Variants in SOX5 observed in about 807,000 individuals in gnomAD.
The protein encoded by SOX5 is transcription factor SOX-5.
SOX5 carries 9 observed loss-of-function variants against 92.0 expected under a neutral mutation model. The ratio of observed to expected loss-of-function variants is 0.10; its 90% CI spans 0.06 to 0.17. The LOEUF is 0.17. SOX5 is among the 10% of genes least tolerant of loss of function. The pLI is 1.00. For synonymous variants in SOX5, 344 were observed against 336.3 expected (o/e 1.02, Z -0.25); for missense variants, 642 against 944.5 (o/e 0.68, Z 4.20).
At chr12:23,904,625 A>G (rs1479664469) in intron 1 of SOX5, among the ~76,000 whole-genome samples, 1 of 152,190 alleles carries the variant, frequency 6.6e-6, no homozygotes, top group African/African-American at 2.4e-5. Context: ...TATACAAAAT[A>G]TTTTATTATA....
intron 4 of SOX5, among the ~76,000 whole-genome samples, chr12:24,205,637 C>T (rs1957948288): frequency 6.6e-6 from 1 of 152,112 alleles, no homozygotes; most frequent in Admixed American, 6.5e-5. Context: ...CTCACTCTGC[C>T]TCCTGTAAGG....
chr12:24,443,486 G>C (rs1435582391), intron 1 of SOX5, among the ~76,000 whole-genome samples: 1 of 152,146 alleles, frequency 6.6e-6, no homozygotes, highest in African/African-American at 2.4e-5. Context: ...ATTTGATTCT[G>C]TCATATCTTG....
chr12:24,238,626 G>A (rs914219496), intron 3 of SOX5, among the ~76,000 whole-genome samples: 2 of 152,154 alleles, frequency 1.3e-5, no homozygotes, highest in African/African-American at 4.8e-5. Flanking sequence ...CAAAGTGCTG[G>A]GATTACAGGA....
chr12:23,587,768 C>T (rs1566070243), intron 9 of SOX5, among the ~76,000 whole-genome samples: 1 of 152,064 alleles, frequency 6.6e-6, no homozygotes, highest in Non-Finnish European at 1.5e-5. Context: ...CAACTTAATA[C>T]ACATGTCAAT....
intron 2 of SOX5, among the ~76,000 whole-genome samples, chr12:24,317,064 C>T (rs895114555): frequency 9.2e-5 from 14 of 152,272 alleles, no homozygotes; most frequent in African/African-American, 3.4e-4. Flanking sequence ...ATCATACAAC[C>T]TCAATGTGTC....
chr12:23,820,524 C>G (rs564150900), intron 3 of SOX5, among the ~76,000 whole-genome samples: 38 of 152,244 alleles, frequency 2.5e-4, no homozygotes, highest in South Asian at 1.2e-3. Flanking sequence ...ATTGTATTGA[C>G]TAGGTTTTCT....
chr12:23,566,681 G>C (rs142449719), intron 10 of SOX5, among the ~76,000 whole-genome samples: 1 of 152,144 alleles, frequency 6.6e-6, no homozygotes, highest in African/African-American at 2.4e-5. Context: ...AGTTGCAATT[G>C]TCTCTTCGGT....
intron 2 of SOX5, among the ~76,000 whole-genome samples, chr12:24,364,556 T>G (rs1030875299): frequency 8.2e-6 from 1 of 122,670 alleles, no homozygotes; most frequent in East Asian, 2.8e-4. Context: ...ACGAATAAAT[T>G]TGTTCTTTAT....
chr12:23,540,643 A>G (rs934835003), intron 13 of SOX5, among the ~76,000 whole-genome samples: 1 of 152,170 alleles, frequency 6.6e-6, no homozygotes, highest in Non-Finnish European at 1.5e-5. Flanking sequence ...CTAATCAGAA[A>G]AAGATGTCCC....
chr12:23,633,213 T>C (rs2078777508), intron 8 of SOX5, among the ~76,000 whole-genome samples: 1 of 152,022 alleles, frequency 6.6e-6, no homozygotes, highest in Admixed American at 6.6e-5. Flanking sequence ...CAATTTCAAA[T>C]CTTAGAAGTG....
At chr12:24,378,074 C>A (rs1174911012) in intron 1 of SOX5, among the ~76,000 whole-genome samples, 2 of 152,200 alleles carry the variant, frequency 1.3e-5, no homozygotes, top group Non-Finnish European at 2.9e-5. Context: ...ATGCAGAAAT[C>A]CTAAAAGAAG....
At chr12:23,700,916 T>C (rs1182018956) in intron 6 of SOX5, among the ~76,000 whole-genome samples, 1 of 151,646 alleles carries the variant, frequency 6.6e-6, no homozygotes, top group Admixed American at 6.6e-5. Flanking sequence ...TATGTGTATA[T>C]ATATACACAT....
chr12:23,689,055 C>A (rs1232423461), intron 6 of SOX5, among the ~76,000 whole-genome samples: 2 of 152,042 alleles, frequency 1.3e-5, no homozygotes, highest in Non-Finnish European at 2.9e-5. Context: ...TTTGTTTTAC[C>A]TTCCAGGTAT....
intron 10 of SOX5, among the ~76,000 whole-genome samples, chr12:23,575,439 G>C (rs576541399): frequency 6.6e-6 from 1 of 152,284 alleles, no homozygotes; most frequent in South Asian, 2.1e-4. Context: ...TAGAAATATA[G>C]ATATAACCTA....
At chr12:24,429,378 G>A (rs1937809973) in intron 1 of SOX5, among the ~76,000 whole-genome samples, 1 of 151,854 alleles carries the variant, frequency 6.6e-6, no homozygotes, top group Admixed American at 6.6e-5. Flanking sequence ...TGTTGGAATA[G>A]TATGAAATGC....
intron 1 of SOX5, among the ~76,000 whole-genome samples, chr12:24,391,731 CT>C (rs1959018274): frequency 6.6e-6 from 1 of 152,136 alleles, no homozygotes; most frequent in Non-Finnish European, 1.5e-5. Context: ...CCCATACTGG[CT>C]TCTGGTGAAC....
chr12:24,233,950 C>T (rs1594617239), intron 3 of SOX5, among the ~76,000 whole-genome samples: 1 of 152,184 alleles, frequency 6.6e-6, no homozygotes, highest in African/African-American at 2.4e-5. Flanking sequence ...AAAGGCACAA[C>T]TTGCTTTCCA....
chr12:23,979,674 T>C lies in SOX5; in HGVS notation c.-1-83650A>G, dbSNP rs151027247. ...CTCACAAATCGTTTCTCATTTTCTTTCTTCCTTCCATATATATATATATGT... is the reference window on the plus strand; with the variant it reads ...CTCACAAATCGTTTCTCATTTTCTTCCTTCCTTCCATATATATATATATGT... On this transcript the variant is annotated intron_variant, in intron 4 of 4. Transcript: ENST00000446891. 2.6e-3 allele frequency among the ~76,000 whole-genome samples: 389 copies of C among 147,302 alleles called. 5 individuals are homozygous for C. The highest frequency in any genetic ancestry group is 9.1e-3 in the African/African-American group (368 of 40,314).
chr12:24,453,837 G>C (rs1942656936), intron 1 of SOX5, among the ~76,000 whole-genome samples: 1 of 152,134 alleles, frequency 6.6e-6, no homozygotes, highest in Admixed American at 6.5e-5. Context: ...TTAATAGAGT[G>C]GCTTCAGGTG....
Sources: allele counts gnomAD v4.1 joint callset (sites outside exome capture counted in the v4.1 genomes callset), GRCh38; gene constraint gnomAD v4.1.1; transcripts MANE v1.5; gene names NCBI Gene and HGNC (gene_info 2026-07-23, HGNC 2026-07-21).